KCNH1: variants seen among roughly 807,000 people sequenced by gnomAD.
KCNH1 encodes voltage-gated delayed rectifier potassium channel KCNH1.
In KCNH1, 27 loss-of-function variants were observed where a neutral mutation model predicts 69.2. That is an observed-to-expected ratio of 0.39 (90% confidence interval 0.29 to 0.54). The LOEUF is 0.54. Ranked by LOEUF, KCNH1 falls within the 20% of genes least tolerant of loss-of-function variation. KCNH1 has a pLI of 0.68. For synonymous variants in KCNH1, 456 were observed against 487.7 expected (o/e 0.93, Z 0.86); for missense variants, 798 against 1,261.6 (o/e 0.63, Z 5.57).
intron 10 of KCNH1, among the ~76,000 whole-genome samples, chr1:210,693,752 A>G (rs995045425): frequency 3.9e-5 from 6 of 152,164 alleles, no homozygotes; most frequent in Non-Finnish European, 7.3e-5. Flanking sequence ...ACTGGTGGCC[A>G]TCTTCTTTTG....
At chr1:211,040,207 A>AG (rs1689968450) in intron 5 of KCNH1, among the ~76,000 whole-genome samples, 1 of 151,022 alleles carries the variant, frequency 6.6e-6, no homozygotes, top group African/African-American at 2.4e-5. Context: ...AAAAAAAAAA[A>AG]GACTTCGGGG....
chr1:210,975,348 A>G (rs529010557), intron 6 of KCNH1, among the ~76,000 whole-genome samples: 1 of 152,346 alleles, frequency 6.6e-6, no homozygotes, highest in African/African-American at 2.4e-5. Context: ...ACTTCAAACT[A>G]TGCTACAAGG....
intron 10 of KCNH1, among the ~76,000 whole-genome samples, chr1:210,748,026 C>T (rs1683200347): frequency 6.6e-6 from 1 of 152,206 alleles, no homozygotes; most frequent in African/African-American, 2.4e-5. Flanking sequence ...GGCACAATGG[C>T]ACTGCCAGCC....
intron 10 of KCNH1, among the ~76,000 whole-genome samples, chr1:210,697,235 G>T (rs140920762): frequency 3.5e-4 from 54 of 152,300 alleles, no homozygotes; most frequent in Non-Finnish European, 7.2e-4. Flanking sequence ...GCCCTGGAGA[G>T]AGCTGAGCAC....
At chr1:211,062,168 T>C (rs1047991583) in intron 5 of KCNH1, among the ~76,000 whole-genome samples, 5 of 152,186 alleles carry the variant, frequency 3.3e-5, no homozygotes, top group East Asian at 1.9e-4. Context: ...TCCATACTTC[T>C]AGAGTGAACT....
chr1:210,907,742 G>T (rs1231255554), intron 7 of KCNH1, among the ~76,000 whole-genome samples: 1 of 152,190 alleles, frequency 6.6e-6, no homozygotes, highest in Non-Finnish European at 1.5e-5. Context: ...CCCAGTGGGG[G>T]TGGGGGTTCA....
At chr1:210,704,687 A>G (rs905192030) in intron 10 of KCNH1, among the ~76,000 whole-genome samples, 1 of 152,208 alleles carries the variant, frequency 6.6e-6, no homozygotes, top group African/African-American at 2.4e-5. Flanking sequence ...CCCAAATGCT[A>G]TTCTCCTTTT....
At chr1:210,996,385 G>A (rs1199537228) in intron 6 of KCNH1, among the ~76,000 whole-genome samples, 6 of 152,156 alleles carry the variant, frequency 3.9e-5, no homozygotes, top group African/African-American at 1.4e-4. Flanking sequence ...CTCGCTCATT[G>A]CTAGCACAGC....
chr1:210,943,256 C>T (rs1052484046), intron 6 of KCNH1, among the ~76,000 whole-genome samples: 2 of 152,128 alleles, frequency 1.3e-5, no homozygotes, highest in Admixed American at 6.5e-5. Flanking sequence ...TATTTTCCCC[C>T]ACTCACTCAA....
intron 7 of KCNH1, among the ~76,000 whole-genome samples, chr1:210,817,072 T>A (rs1179323959): frequency 6.6e-6 from 1 of 152,210 alleles, no homozygotes; most frequent in Non-Finnish European, 1.5e-5. Context: ...TCTTGGTTTA[T>A]CAAAGGCAGA....
intron 5 of KCNH1, among the ~76,000 whole-genome samples, chr1:211,030,690 G>A (rs1317761352): frequency 6.6e-6 from 1 of 151,822 alleles, no homozygotes; most frequent in Non-Finnish European, 1.5e-5. Flanking sequence ...CAGAATCTAG[G>A]GCTAGGCAAA....
chr1:210,946,260 GGA>G (rs1687956758), intron 6 of KCNH1, among the ~76,000 whole-genome samples: 1 of 152,052 alleles, frequency 6.6e-6, no homozygotes, highest in Non-Finnish European at 1.5e-5. Flanking sequence ...GGGAACTTAG[GGA>G]GCACTGGGCC....
At chr1:211,023,060 A>C (rs900112276) in intron 5 of KCNH1, among the ~76,000 whole-genome samples, 2 of 151,732 alleles carry the variant, frequency 1.3e-5, no homozygotes, top group Non-Finnish European at 2.9e-5. Flanking sequence ...GTAGTGAGCC[A>C]AGATCATGCC....
intron 10 of KCNH1, among the ~76,000 whole-genome samples, chr1:210,700,063 A>G (rs913491211): frequency 1.3e-5 from 2 of 152,170 alleles, no homozygotes; most frequent in African/African-American, 2.4e-5. Context: ...CTGTCCTGCT[A>G]CTGCCCCTTG....
chr1:211,062,407 A>T (rs552053919), intron 5 of KCNH1, among the ~76,000 whole-genome samples: 1 of 152,324 alleles, frequency 6.6e-6, no homozygotes, highest in South Asian at 2.1e-4. Context: ...GGACTGGGCA[A>T]AGATTTCTTG....
rs960533136 is a variant in KCNH1, at chr1:210,814,937, C to G, written c.1463-10771G>C. Among the ~76,000 whole-genome samples, 4 of 152,150 alleles carry G rather than the reference C, an allele frequency of 2.6e-5. No homozygotes were observed. The East Asian group carries it at 7.7e-4, about 29-fold the overall frequency. ...GTGGAGTCACTTCAGAGGCATCTTC[C>G]TCTGCATTCAGTGGATGCATTCAAT... On this transcript the variant is annotated intron_variant, in intron 7 of 10. Coordinates refer to ENST00000271751, the MANE Select transcript of KCNH1 (RefSeq NM_172362.3).
At chr1:210,736,912 T>G (rs556296071) in intron 10 of KCNH1, among the ~76,000 whole-genome samples, 1 of 152,288 alleles carries the variant, frequency 6.6e-6, no homozygotes, top group South Asian at 2.1e-4. Context: ...CTGGGCTGCT[T>G]GCTTACCAAA....
rs1469425243 is a variant in KCNH1 at position 210,861,245 on chromosome 1, T to C, written c.1463-57079A>G. On this transcript the variant is annotated intron_variant, in intron 7 of 10. Transcript: ENST00000271751. Reference sequence around the variant, plus strand: ...AACATCTTGGATAATGCCTTGTATATGGGGCTTCAGATTCTTCCAGGTGAG... The same window carrying C: ...AACATCTTGGATAATGCCTTGTATACGGGGCTTCAGATTCTTCCAGGTGAG... The C allele has an allele frequency of 1.2e-5, 12 of 966,582 alleles. No individual in the cohort carries two copies. The Admixed American group carries it at 2.0e-4, about 16-fold the overall frequency. The allele number at this position is 966,582 out of a possible 1,614,324, so 59.9% of individuals were successfully genotyped here.
In KCNH1 at chr1:210,689,370, T is replaced by C. The variant is rs529404926; in HGVS notation, c.2113-5232A>G. On this transcript the variant is annotated intron_variant, in intron 10 of 10. Coordinates refer to ENST00000271751, the MANE Select transcript of KCNH1 (RefSeq NM_172362.3). ...TGGTCCTAGCTAGAGTTTGAGGAGTTGTCCCCTTGGGGTCTCAGCAGCACG... is the reference window on the plus strand; with the variant it reads ...TGGTCCTAGCTAGAGTTTGAGGAGTCGTCCCCTTGGGGTCTCAGCAGCACG... Among the ~76,000 whole-genome samples, 13 of 152,314 alleles carry C rather than the reference T, an allele frequency of 8.5e-5. No individual in the cohort carries two copies. In the East Asian group the frequency reaches 2.1e-3, roughly 25 times the overall value.
Sources: gnomAD v4.1 joint callset for allele counts (sites outside exome capture counted in the v4.1 genomes callset) on GRCh38, gnomAD v4.1.1 for gene constraint, MANE v1.5 for transcripts, NCBI Gene and HGNC (gene_info 2026-07-23, HGNC 2026-07-21) for gene names.